PURG: variants seen among roughly 807,000 people sequenced by gnomAD.
PURG encodes the protein purine rich element binding protein G, also known as purine-rich element-binding protein gamma.
PURG carries 3 observed loss-of-function variants against 24.3 expected under a neutral mutation model. That is an observed-to-expected ratio of 0.12 (90% confidence interval 0.06 to 0.32). PURG has a LOEUF of 0.32. Among genes scored for constraint, PURG ranks in the 10% least tolerant of loss-of-function variants. PURG has a pLI of 1.00. For missense variants in PURG, 371 were observed against 439.1 expected (o/e 0.84, Z 1.39); for synonymous variants, 180 against 173.1 (o/e 1.04, Z -0.31).
chr8:31,009,551 CAGGG>C (rs1325878503), intron 1 of PURG, among the ~76,000 whole-genome samples: 1 of 152,220 alleles, frequency 6.6e-6, no homozygotes, highest in Non-Finnish European at 1.5e-5. Context: ...CTGGGAATGT[CAGGG>C]AGCGAAGTCA....
chr8:31,024,990 G>A (rs552150006), intron 1 of PURG, among the ~76,000 whole-genome samples: 13 of 151,994 alleles, frequency 8.6e-5, no homozygotes, highest in African/African-American at 3.1e-4. Context: ...TACTTAATCA[G>A]AAATAAGTAA....
downstream of PURG, among the ~76,000 whole-genome samples, chr8:31,028,730 T>C (rs1030269454): frequency 1.7e-4 from 26 of 151,836 alleles, no homozygotes; most frequent in Non-Finnish European, 3.7e-4. Flanking sequence ...AAGCAACAGA[T>C]TAGTGCTGCT....
intron 1 of PURG, among the ~76,000 whole-genome samples, chr8:30,999,108 A>G (rs1810486654): frequency 6.6e-6 from 1 of 151,834 alleles, no homozygotes; most frequent in South Asian, 2.1e-4. Context: ...TACTCATAAT[A>G]ATACAGAATT....
chr8:31,032,016 T>C lies in PURG; in HGVS notation c.767A>G (p.Asp256Gly). The change falls in exon 2 of 2, where the codon GAT becomes GGT. Residue 256 changes from aspartate to glycine, a missense_variant. Asp to Gly is a moderately conservative substitution (Grantham distance 94). Transcript: ENST00000523392. This position sits in a 1 kb window ranked among gnomAD's most constrained non-coding sequence, Gnocchi z 5.9. ...GDIEERRGGD[D>G]DPLELPEGTS... ...CCCCTCTGGGAGTTCAAGCGGGTCA[T>C]CGTCTCCACCTCTTCGTTCTTCTAT... is the stretch of plus-strand genomic sequence containing the variant. 1.9e-6 allele frequency: 3 copies of C among 1,614,206 alleles called. No homozygotes were observed. Among genetic ancestry groups the C allele is most frequent in the Non-Finnish European group, 2.5e-6 (3 of 1,180,030 alleles).
chr8:30,996,736 A>G (rs2129759954), intron 1 of PURG: 1 of 1,470,716 alleles, frequency 6.8e-7, no homozygotes, highest in Admixed American at 1.7e-5. Context: ...GCAAACATGA[A>G]GTTTTCAAGG....
downstream of PURG, among the ~76,000 whole-genome samples, chr8:31,026,332 G>A (rs1811087499): frequency 6.6e-6 from 1 of 151,626 alleles, no homozygotes; most frequent in African/African-American, 2.4e-5. Flanking sequence ...ATATATTTGT[G>A]AGGGGAATAC....
downstream of PURG, among the ~76,000 whole-genome samples, chr8:31,029,359 G>T (rs1289442674): frequency 6.6e-6 from 1 of 151,682 alleles, no homozygotes; most frequent in African/African-American, 2.4e-5. Flanking sequence ...AGAAAATCTG[G>T]CTGCTTAACT....
intron 1 of PURG, among the ~76,000 whole-genome samples, chr8:31,002,938 G>C (rs973750926): frequency 1.3e-5 from 2 of 152,156 alleles, no homozygotes; most frequent in African/African-American, 4.8e-5. Context: ...GAACTGTTTA[G>C]AGACTTCAAT....
At chr8:31,017,189 T>G (rs1018936017) in intron 1 of PURG, among the ~76,000 whole-genome samples, 2 of 152,038 alleles carry the variant, frequency 1.3e-5, no homozygotes, top group Non-Finnish European at 2.9e-5. Context: ...GTTTTTTCCC[T>G]CTCCCTGTAG....
chr8:31,022,204 TAA>T (rs759427619), intron 1 of PURG, among the ~76,000 whole-genome samples: 11 of 152,052 alleles, frequency 7.2e-5, no homozygotes, highest in Admixed American at 2.6e-4. Context: ...CTCCTGAACT[TAA>T]GTGATCCGCC....
exon 2 of PURG, chr8:30,996,593 T>G (rs1201956119): frequency 1.9e-6 from 3 of 1,598,748 alleles, no homozygotes; most frequent in Non-Finnish European, 2.6e-6. Flanking sequence ...GATTTATTCC[T>G]TATTCCTCAA....
At position 30,996,963 on chromosome 8, in the gene PURG, A is replaced by G. The variant is rs184411526; in HGVS notation, c.865-266T>C. On this transcript the variant is annotated intron_variant, in intron 1 of 1. Transcript: ENST00000339382. ...CAAGGAAAATATAATTTTACTCACC[A>G]AGAGAAGAATATACCTTGAAGCATC... 5.9e-5 allele frequency among the ~76,000 whole-genome samples: 9 copies of G among 151,902 alleles called. No homozygotes were observed. In the East Asian group the frequency reaches 1.7e-3, roughly 29 times the overall value.
At chr8:31,005,614 A>G (rs1810628887) in intron 1 of PURG, among the ~76,000 whole-genome samples, 1 of 152,144 alleles carries the variant, frequency 6.6e-6, no homozygotes, top group Non-Finnish European at 1.5e-5. Flanking sequence ...CTGGGGTGAC[A>G]GAAATGTGTC....
chr8:31,030,130 C>T (rs371054372), downstream of PURG, among the ~76,000 whole-genome samples: 10 of 151,886 alleles, frequency 6.6e-5, no homozygotes, highest in South Asian at 1.9e-3. Flanking sequence ...AGTGACCTCA[C>T]GTAAAGGTAT....
chr8:31,004,485 C>T (rs1392116944), intron 1 of PURG, among the ~76,000 whole-genome samples: 1 of 152,138 alleles, frequency 6.6e-6, no homozygotes, highest in Non-Finnish European at 1.5e-5. Context: ...CACTTGAGGT[C>T]AGGAGTTCGA....
intron 1 of PURG, among the ~76,000 whole-genome samples, chr8:31,010,421 C>A (rs968607660): frequency 1.3e-5 from 2 of 152,176 alleles, no homozygotes; most frequent in Non-Finnish European, 2.9e-5. Flanking sequence ...CAATGAGTTG[C>A]TAGGCCTTCT....
At chr8:31,023,950 C>A (rs973487056) in intron 1 of PURG, among the ~76,000 whole-genome samples, 1 of 151,968 alleles carries the variant, frequency 6.6e-6, no homozygotes, top group African/African-American at 2.4e-5. Context: ...CTTTGCCATG[C>A]AGAATATAAA....
Position 31,033,092 on chromosome 8 carries a change from C to CACCGCCGCCGCCGATGCCCTTCACG in PURG, c.-46_-22dup, listed in dbSNP as rs1370054356. 2.3e-5 allele frequency: 5 copies of CACCGCCGCCGCCGATGCCCTTCACG among 221,136 alleles called. No individual in the cohort carries two copies. The highest frequency in any genetic ancestry group is 1.2e-4 in the African/African-American group (5 of 42,260). 13.7% of individuals were successfully genotyped at this position (221,136 alleles called of 1,614,324 possible). On this transcript the variant is annotated 5_prime_UTR_variant, in exon 1 of 2. An upstream open reading frame in the 5' UTR loses its in-frame stop. Transcript: ENST00000523392. ...CGGGCACTCACATCATCTCTGCCATCACCGCCGCCGCCGATGCCCTTCACG... is the reference window on the plus strand; with the variant it reads ...CGGGCACTCACATCATCTCTGCCATCACCGCCGCCGCCGATGCCCTTCACGACCGCCGCCGCCGATGCCCTTCACG...
intron 1 of PURG, among the ~76,000 whole-genome samples, chr8:31,011,869 G>A (rs539709805): frequency 6.6e-6 from 1 of 152,248 alleles, no homozygotes; most frequent in Admixed American, 6.5e-5. Flanking sequence ...TTAAGCAAGG[G>A]AAAGAATATT....
Sources: allele counts gnomAD v4.1 joint callset (sites outside exome capture counted in the v4.1 genomes callset), GRCh38; gene constraint gnomAD v4.1.1; non-coding constraint Gnocchi (gnomAD v3.1); transcripts MANE v1.5; gene names NCBI Gene and HGNC (gene_info 2026-07-23, HGNC 2026-07-21).